The following NAALADL2 variants were observed in gnomAD, a reference collection of about 807,000 sequenced individuals.
NAALADL2 encodes the protein N-acetylated alpha-linked acidic dipeptidase like 2.
In NAALADL2, 76 loss-of-function variants were observed where a neutral mutation model predicts 87.2. The ratio of observed to expected loss-of-function variants is 0.87; its 90% confidence interval spans 0.72 to 1.05. The LOEUF (loss-of-function observed/expected upper bound fraction) is 1.05, where lower values mean the gene tolerates loss of function less well. Among genes scored for constraint, NAALADL2 ranks in the 50% least tolerant of loss-of-function variants. The probability of loss-of-function intolerance (pLI) is 0.00; values close to 1 mark genes in which losing one functional copy is unlikely to be tolerated. For synonymous variants in NAALADL2, 354 were observed against 331.0 expected, an observed-to-expected ratio of 1.07 and a Z score of -0.75; for missense variants, 1,089 against 945.8, an observed-to-expected ratio of 1.15 and a Z score of -1.99.
At chr3:174,544,521 C>T (rs1001718242) in intron 1 of NAALADL2, among the ~76,000 whole-genome samples, 10 of 149,188 alleles carry the variant, frequency 6.7e-5, no homozygotes, top group Non-Finnish European at 1.0e-4. Flanking sequence ...TACTAAATGG[C>T]TATCAATAAT....
intron 2 of NAALADL2, among the ~76,000 whole-genome samples, chr3:175,129,128 A>G (rs1385472364): frequency 6.6e-6 from 1 of 151,508 alleles, no homozygotes; most frequent in East Asian, 1.9e-4. Flanking sequence ...TATAATTTTA[A>G]TAGAGACAGG....
intron 11 of NAALADL2, among the ~76,000 whole-genome samples, chr3:175,636,375 A>G (rs934850325): frequency 6.6e-5 from 10 of 152,024 alleles, no homozygotes; most frequent in African/African-American, 2.4e-4. Flanking sequence ...TATACCTTTT[A>G]CCTTTAAAGA....
chr3:175,655,898 A>G (rs1381419398), intron 11 of NAALADL2, among the ~76,000 whole-genome samples: 1 of 152,174 alleles, frequency 6.6e-6, no homozygotes, highest in Non-Finnish European at 1.5e-5. Flanking sequence ...GAAAAAAAGT[A>G]ATACGCCCTT....
chr3:174,771,582 TAGAA>T (rs1309295814), intron 3 of NAALADL2, among the ~76,000 whole-genome samples: 1 of 151,866 alleles, frequency 6.6e-6, no homozygotes, highest in African/African-American at 2.4e-5. Context: ...ATGCACATCG[TAGAA>T]AGAAGTAAAT....
intron 1 of NAALADL2, among the ~76,000 whole-genome samples, chr3:174,484,858 G>T (rs912863594): frequency 6.7e-6 from 1 of 148,646 alleles, no homozygotes; most frequent in Non-Finnish European, 1.5e-5. Flanking sequence ...TTTGCTGACG[G>T]ATTTAATGTG....
At chr3:174,860,092 C>G (rs543346995) in intron 1 of NAALADL2, among the ~76,000 whole-genome samples, 137 of 152,026 alleles carry the variant, frequency 9.0e-4, no homozygotes, top group Middle Eastern at 6.8e-3. Flanking sequence ...TAAGGTCGCT[C>G]ACATTTCACA....
chr3:175,172,299 T>G (rs1261301570), intron 2 of NAALADL2, among the ~76,000 whole-genome samples: 3 of 152,178 alleles, frequency 2.0e-5, no homozygotes, highest in African/African-American at 7.2e-5. Context: ...ACTTGAGTAC[T>G]AAACCAGTAG....
At position 174,929,680 on chromosome 3, in the gene NAALADL2, C is replaced by T. The variant is rs1736593515; in HGVS notation, c.43+70230C>T. Among the ~76,000 whole-genome samples, 4 of 152,112 alleles carry T rather than the reference C, an allele frequency of 2.6e-5. No homozygotes were observed. The South Asian group carries it at 8.3e-4, about 32-fold the overall frequency. The stretch of plus-strand genomic sequence containing the variant: ...CCTTTCATAACTGCTTCAGTTTACA[C>T]CGTTGGACTATGTATAGGAGTGGAA... On this transcript the variant is annotated intron_variant, in intron 1 of 13. Coordinates refer to ENST00000454872, the MANE Select transcript of NAALADL2 (RefSeq NM_207015.3).
chr3:175,403,580 A>G (rs1711758073), intron 5 of NAALADL2, among the ~76,000 whole-genome samples: 2 of 152,260 alleles, frequency 1.3e-5, no homozygotes, highest in Non-Finnish European at 2.9e-5. Flanking sequence ...GGCATTGTCT[A>G]AAATTCCAGA....
intron 3 of NAALADL2, among the ~76,000 whole-genome samples, chr3:174,782,624 G>A (rs974214885): frequency 6.6e-6 from 1 of 151,894 alleles, no homozygotes; most frequent in Admixed American, 6.6e-5. Context: ...CCGAGACTGC[G>A]TAATTTAAAA....
chr3:175,663,583 A>G (rs1732568339), intron 11 of NAALADL2, among the ~76,000 whole-genome samples: 1 of 151,356 alleles, frequency 6.6e-6, no homozygotes, highest in South Asian at 2.1e-4. Flanking sequence ...TTGTTTATTT[A>G]TTTCTACTAA....
intron 2 of NAALADL2, among the ~76,000 whole-genome samples, chr3:174,635,788 C>A (rs1283077549): frequency 1.3e-5 from 2 of 152,094 alleles, no homozygotes; most frequent in Admixed American, 1.3e-4. Flanking sequence ...CAGGCGTGAG[C>A]CACCACGTCT....
chr3:175,105,573 TACAC>T (rs141354006), intron 2 of NAALADL2, among the ~76,000 whole-genome samples: 1 of 146,980 alleles, frequency 6.8e-6, no homozygotes, highest in East Asian at 2.0e-4. Flanking sequence ...TATATATTCA[TACAC>T]ACACACATAC....
intron 1 of NAALADL2, among the ~76,000 whole-genome samples, chr3:174,882,670 C>CATATGTGT (rs1208155751): frequency 8.3e-6 from 1 of 120,460 alleles, no homozygotes; most frequent in African/African-American, 3.7e-5. Flanking sequence ...TGCATATACA[C>CATATGTGT]ATATGTGTAT....
At chr3:175,732,926 G>A (rs1027655947) in intron 11 of NAALADL2, among the ~76,000 whole-genome samples, 2 of 151,896 alleles carry the variant, frequency 1.3e-5, no homozygotes, top group African/African-American at 4.8e-5. Context: ...TGGGAGGGGA[G>A]AGCATTAGGA....
At chr3:174,607,675 A>G (rs1375231312) in intron 2 of NAALADL2, among the ~76,000 whole-genome samples, 1 of 152,158 alleles carries the variant, frequency 6.6e-6, no homozygotes, top group East Asian at 1.9e-4. Context: ...GGAAGTCCTG[A>G]GTGACCTACA....
chr3:174,740,304 C>T (rs959659670), intron 3 of NAALADL2, among the ~76,000 whole-genome samples: 2 of 151,836 alleles, frequency 1.3e-5, no homozygotes, highest in African/African-American at 4.8e-5. Flanking sequence ...TTAATTTTAC[C>T]TTTCTTGTCT....
intron 2 of NAALADL2, among the ~76,000 whole-genome samples, chr3:174,663,127 T>C (rs545926223): frequency 6.6e-6 from 1 of 152,138 alleles, no homozygotes; most frequent in South Asian, 2.1e-4. Flanking sequence ...TTTAAAAACA[T>C]AAATTTACTT....
chr3:174,889,203 T>C (rs1479795687), intron 1 of NAALADL2, among the ~76,000 whole-genome samples: 3 of 152,214 alleles, frequency 2.0e-5, no homozygotes, highest in Non-Finnish European at 4.4e-5. Flanking sequence ...AAGGTATTTA[T>C]ATTAAAATGT....
Sources: gnomAD v4.1 joint callset for allele counts (sites outside exome capture counted in the v4.1 genomes callset) on GRCh38, gnomAD v4.1.1 for gene constraint, MANE v1.5 for transcripts, NCBI Gene and HGNC (gene_info 2026-07-23, HGNC 2026-07-21) for gene names.